CTTNBP2: variants seen among roughly 807,000 people sequenced by gnomAD.
CTTNBP2 encodes cortactin binding protein 2, also known as cortactin-binding protein 2.
Under a neutral mutation model 156.9 loss-of-function variants are expected in CTTNBP2, and 108 were observed. The ratio of observed to expected loss-of-function variants is 0.69; its 90% confidence interval spans 0.59 to 0.81. The LOEUF is 0.81. CTTNBP2 is among the 30% of genes least tolerant of loss of function. The pLI, the probability that CTTNBP2 is intolerant of heterozygous loss-of-function variation, is 0.00. For missense variants in CTTNBP2, 1,924 were observed against 2,035.4 expected, an observed-to-expected ratio of 0.95 and a Z score of 1.05; for synonymous variants, 767 against 751.8, an observed-to-expected ratio of 1.02 and a Z score of -0.33.
chr7:117,847,803 ATCT>A (rs1352905185), intron 2 of CTTNBP2, among the ~76,000 whole-genome samples: 1 of 112,596 alleles, frequency 8.9e-6, no homozygotes, highest in Non-Finnish European at 1.9e-5. Flanking sequence ...ATTTTTATAG[ATCT>A]TCTTTGCCTA....
chr7:117,790,393 C>A (rs916846524), intron 4 of CTTNBP2, among the ~76,000 whole-genome samples: 2 of 152,006 alleles, frequency 1.3e-5, no homozygotes, highest in African/African-American at 2.4e-5. Flanking sequence ...GGGAAAAATC[C>A]ACCTCTTCTT....
intron 12 of CTTNBP2, among the ~76,000 whole-genome samples, chr7:117,753,434 A>G (rs1473890904): frequency 7.9e-5 from 12 of 152,216 alleles, no homozygotes; most frequent in Non-Finnish European, 8.8e-5. Flanking sequence ...AAATCATTCT[A>G]TTACAAAGAT....
intron 14 of CTTNBP2, among the ~76,000 whole-genome samples, chr7:117,739,195 G>A (rs1795863232): frequency 2.0e-5 from 3 of 152,156 alleles, no homozygotes. Context: ...AATAGTACGT[G>A]TCTAGTTCAG....
Position 117,792,483 on chromosome 7 carries a change from C to G in CTTNBP2, c.713G>C (p.Arg238Pro). ...GTTCAGCTTGGCACGAAGCTGTTCC[C>G]GCTCAGTGTCAAACTCAGAGAGTTG... is the stretch of plus-strand genomic sequence containing the variant. ...EKQLSEFDTE[R>P]EQLRAKLNRE... Residue 238 changes from arginine to proline, a missense_variant, in exon 4 of 23, where the codon CGG becomes CCG. Transcript: ENST00000160373. This position sits in a 1 kb window ranked among gnomAD's most constrained non-coding sequence, Gnocchi z 4.2. 6.2e-7 allele frequency: 1 copy of G among 1,614,182 alleles called. No homozygotes were observed. The highest frequency in any genetic ancestry group is 8.5e-7 in the Non-Finnish European group (1 of 1,180,030).
chr7:117,841,576 G>A (rs1407515692), intron 2 of CTTNBP2, among the ~76,000 whole-genome samples: 1 of 152,198 alleles, frequency 6.6e-6, no homozygotes. Flanking sequence ...GAATCCCAAT[G>A]TGGTGGTTGC....
chr7:117,741,233 A>G (rs1457184366), intron 14 of CTTNBP2, among the ~76,000 whole-genome samples: 1 of 152,182 alleles, frequency 6.6e-6, no homozygotes, highest in Non-Finnish European at 1.5e-5. Flanking sequence ...AGGAGGAGAT[A>G]GAGGAAGCAG....
intron 14 of CTTNBP2, among the ~76,000 whole-genome samples, chr7:117,739,768 G>C (rs900106022): frequency 6.6e-6 from 1 of 152,158 alleles, no homozygotes; most frequent in Non-Finnish European, 1.5e-5. Context: ...TGTTCTGAGA[G>C]GCCAAGTGGG....
intron 2 of CTTNBP2, among the ~76,000 whole-genome samples, chr7:117,827,843 G>C (rs559071059): frequency 3.3e-5 from 5 of 152,264 alleles, no homozygotes; most frequent in African/African-American, 1.2e-4. Flanking sequence ...TTTAAATACA[G>C]TCCCTTTTAT....
At chr7:117,753,079 C>T (rs573755401) in intron 12 of CTTNBP2, among the ~76,000 whole-genome samples, 8 of 152,084 alleles carry the variant, frequency 5.3e-5, no homozygotes, top group African/African-American at 1.7e-4. Context: ...ACAAACAAAC[C>T]CATTAAAAAG....
chr7:117,727,654 A>C, intron 17 of CTTNBP2, among the ~76,000 whole-genome samples: 1 of 152,212 alleles, frequency 6.6e-6, no homozygotes, highest in Non-Finnish European at 1.5e-5. Context: ...CTATTTCATT[A>C]ACCTTATTGT....
At chr7:117,864,951 A>G (rs2117272162) in intron 1 of CTTNBP2, among the ~76,000 whole-genome samples, 1 of 146,384 alleles carries the variant, frequency 6.8e-6, no homozygotes, top group South Asian at 2.1e-4. Flanking sequence ...ATATATATTC[A>G]TATATATTCA....
intron 8 of CTTNBP2, among the ~76,000 whole-genome samples, chr7:117,771,008 G>A (rs1249896875): frequency 2.0e-5 from 3 of 152,182 alleles, no homozygotes; most frequent in Non-Finnish European, 4.4e-5. Context: ...GCTTTCACAT[G>A]CACTCACATT....
intron 6 of CTTNBP2, 32 bp from the exon 7 acceptor site, chr7:117,780,623 A>C (rs774671626): frequency 1.4e-6 from 2 of 1,477,550 alleles, no homozygotes; most frequent in East Asian, 5.0e-5. Context: ...ATTACATAAA[A>C]CCTGGGTTTG....
chr7:117,817,632 TGA>T (rs1356785251), intron 2 of CTTNBP2, among the ~76,000 whole-genome samples: 6 of 151,696 alleles, frequency 4.0e-5, no homozygotes, highest in Non-Finnish European at 8.8e-5. Flanking sequence ...ACTTGCACTG[TGA>T]GTCATAATTA....
At chr7:117,724,457 C>G in intron 19 of CTTNBP2, 90 bp downstream of exon 19, 1 of 1,099,340 alleles carries the variant, frequency 9.1e-7, no homozygotes, top group Non-Finnish European at 1.3e-6. Context: ...CCAAATGCAT[C>G]GTGATAAAAA....
intron 11 of CTTNBP2, among the ~76,000 whole-genome samples, chr7:117,757,435 T>A (rs58660901): frequency 8.7e-5 from 13 of 149,702 alleles, no homozygotes; most frequent in Non-Finnish European, 1.5e-4. Flanking sequence ...ACTTATAGTA[T>A]GCTATAAACA....
chr7:117,753,344 C>G (rs988966986), intron 12 of CTTNBP2, among the ~76,000 whole-genome samples: 1 of 152,122 alleles, frequency 6.6e-6, no homozygotes, highest in African/African-American at 2.4e-5. Flanking sequence ...GACAGTGTGG[C>G]GACTCCTCAT....
chr7:117,830,223 T>G (rs562034439), intron 2 of CTTNBP2, among the ~76,000 whole-genome samples: 6 of 152,234 alleles, frequency 3.9e-5, no homozygotes, highest in Non-Finnish European at 8.8e-5. Context: ...TTAAAATACA[T>G]GCACAAGTAC....
chr7:117,864,249 T>C (rs910010783), intron 1 of CTTNBP2, among the ~76,000 whole-genome samples: 10 of 152,140 alleles, frequency 6.6e-5, no homozygotes, highest in Admixed American at 2.0e-4. Flanking sequence ...CCATAGATTA[T>C]GTCACACAGA....
Sources: allele counts gnomAD v4.1 joint callset (sites outside exome capture counted in the v4.1 genomes callset), GRCh38; gene constraint gnomAD v4.1.1; non-coding constraint Gnocchi (gnomAD v3.1); transcripts MANE v1.5; gene names NCBI Gene and HGNC (gene_info 2026-07-23, HGNC 2026-07-21).